Variants in GPHN observed in about 807,000 individuals in gnomAD.
GPHN encodes the protein gephyrin.
Under a neutral mutation model 95.5 loss-of-function variants are expected in GPHN, and 17 were observed. That is an observed-to-expected ratio of 0.18 (90% CI 0.12 to 0.27). The LOEUF (loss-of-function observed/expected upper bound fraction) is 0.27. Ranked by LOEUF, GPHN falls within the 10% of genes least tolerant of loss-of-function variation. The probability of loss-of-function intolerance (pLI) is 1.00; values close to 1 mark genes in which losing one functional copy is unlikely to be tolerated. For synonymous variants in GPHN, 320 were observed against 322.5 expected, an observed-to-expected ratio of 0.99 and a Z score of 0.08; for missense variants, 660 against 978.1, an observed-to-expected ratio of 0.67 and a Z score of 4.34.
chr14:67,343,554 T>C, the GPHN span: 88 of 773,184 alleles, frequency 1.1e-4, no homozygotes, highest in African/African-American at 1.4e-3. Flanking sequence ...GACAACTTCT[T>C]TTTGGCATGC....
At chr14:67,465,630 G>A in the GPHN span, among the ~76,000 whole-genome samples, 70 of 152,186 alleles carry the variant, frequency 4.6e-4, no homozygotes, top group Non-Finnish European at 9.0e-4. Flanking sequence ...GAATTCCTAA[G>A]TGGGTACAAA....
intron 18 of GPHN, among the ~76,000 whole-genome samples, chr14:67,148,051 A>T (rs142911028): frequency 1.1e-4 from 16 of 152,282 alleles, no homozygotes; most frequent in African/African-American, 3.4e-4. Flanking sequence ...AAAAGTTATT[A>T]AAAAAGAATG....
chr14:67,257,786 C>T, the GPHN span, among the ~76,000 whole-genome samples: 41 of 152,132 alleles, frequency 2.7e-4, no homozygotes, highest in African/African-American at 9.9e-4. Context: ...GGAGGTGAGA[C>T]ACTGAATTGT....
the GPHN span, among the ~76,000 whole-genome samples, chr14:67,216,536 T>G: frequency 6.6e-6 from 1 of 152,162 alleles, no homozygotes; most frequent in South Asian, 2.1e-4. Context: ...TAGGTATTTA[T>G]CACTATAAAC....
intron 9 of GPHN, among the ~76,000 whole-genome samples, chr14:66,990,045 T>A (rs1424436017): frequency 6.6e-6 from 1 of 152,136 alleles, no homozygotes; most frequent in East Asian, 1.9e-4. Flanking sequence ...TGACTCACAG[T>A]TCCACATGGT....
chr14:67,225,425 C>G, the GPHN span, among the ~76,000 whole-genome samples: 1 of 152,152 alleles, frequency 6.6e-6, no homozygotes, highest in Non-Finnish European at 1.5e-5. Flanking sequence ...GTGGTTTCTG[C>G]TCTAGAATCC....
At chr14:67,005,254 A>AT (rs999703455) in intron 9 of GPHN, among the ~76,000 whole-genome samples, 1 of 151,848 alleles carries the variant, frequency 6.6e-6, no homozygotes, top group African/African-American at 2.4e-5. Context: ...TCCAAAGTAG[A>AT]TTCATCCACA....
intron 10 of GPHN, among the ~76,000 whole-genome samples, chr14:67,056,587 T>C (rs747401558): frequency 3.4e-4 from 52 of 152,208 alleles, no homozygotes; most frequent in Non-Finnish European, 6.2e-4. Flanking sequence ...AGAGTGCTGA[T>C]TGGTGCATAT....
chr14:67,409,041 AT>A, the GPHN span, among the ~76,000 whole-genome samples: 1 of 144,592 alleles, frequency 6.9e-6, no homozygotes, highest in Admixed American at 6.9e-5. Flanking sequence ...ATGGTGAGAC[AT>A]TGTCGCTATA....
Position 67,043,461 on chromosome 14 carries a change from A to G in GPHN, c.1007-15188A>G, listed in dbSNP as rs181216365. ...AGGAAGGAGTGTTGAATTTTGTCAA[A>G]GGCCTTTTCTGCATCTATTAAGATA... On this transcript the variant is annotated intron_variant, in intron 10 of 22. Coordinates refer to ENST00000478722, the MANE Select transcript of GPHN (RefSeq NM_020806.5). Among the ~76,000 whole-genome samples the G allele has an allele frequency of 1.2e-3, 190 of 152,256 alleles. 3 individuals are homozygous for G. Among genetic ancestry groups the G allele is most frequent in the Admixed American group, 5.2e-3 (79 of 15,298 alleles).
At chr14:67,359,913 G>C in the GPHN span, 1 of 571,586 alleles carries the variant, frequency 1.7e-6, no homozygotes, top group South Asian at 2.2e-5. Context: ...GGCGTTGCCC[G>C]GATGTCGAGG....
At chr14:67,600,876 G>A in the GPHN span, among the ~76,000 whole-genome samples, 1 of 152,182 alleles carries the variant, frequency 6.6e-6, no homozygotes, top group African/African-American at 2.4e-5. Context: ...ACCGCACCCA[G>A]CCCAAACCCA....
chr14:67,148,620 G>A (rs1228592060), intron 18 of GPHN, among the ~76,000 whole-genome samples: 2 of 148,108 alleles, frequency 1.4e-5, no homozygotes, highest in Non-Finnish European at 3.0e-5. Flanking sequence ...GAGTGCAGTG[G>A]TGCCATCTCG....
At chr14:66,882,531 A>C (rs1314560112) in intron 5 of GPHN, among the ~76,000 whole-genome samples, 2 of 151,888 alleles carry the variant, frequency 1.3e-5, no homozygotes, top group Non-Finnish European at 2.9e-5. Flanking sequence ...TAAGAACATC[A>C]TCTCTGAAGA....
rs757622219 is a variant in GPHN, at chr14:66,922,908, A to G, written c.699A>G (p.Ser233=). The change falls in exon 7 of 23, where the codon TCA becomes TCG. Residue 233 remains serine, a synonymous_variant. Transcript: ENST00000478722. ...GVASTEDSSS[S]HITAAAIAAK... ...CTTCAACAGAAGATAGTTCCTCATC[A>G]CATATAACTGCAGCAGCCATTGCTG... 3 of 1,613,294 alleles carry G rather than the reference A, an allele frequency of 1.9e-6. No individual in the cohort carries two copies. The highest frequency in any genetic ancestry group is 2.2e-5 in the South Asian group (2 of 91,068).
chr14:67,733,969 T>C, the GPHN span: 1 of 704,806 alleles, frequency 1.4e-6, no homozygotes, highest in Non-Finnish European at 2.6e-6. Flanking sequence ...TCCTGCCTGC[T>C]CTGATCCTCT....
chr14:67,562,608 A>T, the GPHN span: 1 of 1,613,054 alleles, frequency 6.2e-7, no homozygotes, highest in Middle Eastern at 1.7e-4. Context: ...GACAGCATCC[A>T]GTTGGCCAAA....
chr14:67,281,779 A>G, the GPHN span, among the ~76,000 whole-genome samples: 3 of 152,028 alleles, frequency 2.0e-5, no homozygotes, highest in South Asian at 2.1e-4. Flanking sequence ...TGTTTTGCCT[A>G]AGCACACAAA....
chr14:67,238,951 T>C, the GPHN span, among the ~76,000 whole-genome samples: 32,449 of 152,094 alleles, frequency 0.21, 5,264 homozygotes, highest in East Asian at 0.45. Context: ...CCATAACTAA[T>C]ATTTTTATAG....
Sources: gnomAD v4.1 joint callset for allele counts (sites outside exome capture counted in the v4.1 genomes callset) on GRCh38, gnomAD v4.1.1 for gene constraint, MANE v1.5 for transcripts, NCBI Gene and HGNC (gene_info 2026-07-23, HGNC 2026-07-21) for gene names.